LMNTD1: variants seen among roughly 807,000 people sequenced by gnomAD.
LMNTD1 encodes lamin tail domain-containing protein 1.
Under a neutral mutation model 50.9 loss-of-function variants are expected in LMNTD1, and 35 were observed. That is an observed-to-expected ratio of 0.69 (90% CI 0.53 to 0.91). The LOEUF (loss-of-function observed/expected upper bound fraction) is 0.91, where lower values mean the gene tolerates loss of function less well. Among genes scored for constraint, LMNTD1 ranks in the 40% least tolerant of loss-of-function variants. The probability of loss-of-function intolerance (pLI) is 0.00; values close to 1 mark genes in which losing one functional copy is unlikely to be tolerated. For missense variants in LMNTD1, 470 were observed against 475.5 expected, an observed-to-expected ratio of 0.99 and a Z score of 0.11; for synonymous variants, 153 against 161.9, an observed-to-expected ratio of 0.94 and a Z score of 0.42.
intron 1 of LMNTD1, among the ~76,000 whole-genome samples, chr12:25,609,078 C>A (rs1052346046): frequency 2.6e-5 from 4 of 152,180 alleles, no homozygotes; most frequent in African/African-American, 7.2e-5. Flanking sequence ...ATTTGATCTT[C>A]AATCACTGAT....
upstream of LMNTD1, among the ~76,000 whole-genome samples, chr12:25,554,889 C>A (rs1290478537): frequency 6.6e-6 from 1 of 152,112 alleles, no homozygotes; most frequent in Admixed American, 6.5e-5. Flanking sequence ...CATGATGAAA[C>A]CCCGTCTCTA....
chr12:25,592,281 T>G (rs1391271566), intron 1 of LMNTD1, among the ~76,000 whole-genome samples: 1 of 152,146 alleles, frequency 6.6e-6, no homozygotes, highest in Non-Finnish European at 1.5e-5. Flanking sequence ...CATCGTGAAC[T>G]ATTGCTCCAG....
intron 8 of LMNTD1, among the ~76,000 whole-genome samples, chr12:25,509,592 G>A (rs1050530785): frequency 2.6e-5 from 4 of 152,142 alleles, no homozygotes; most frequent in African/African-American, 9.7e-5. Context: ...ATTGAATTGT[G>A]TCTCCCTAAA....
At position 25,519,877 on chromosome 12, in the gene LMNTD1, C is replaced by G; in HGVS notation, c.997G>C (p.Ala333Pro). 6.2e-7 allele frequency: 1 copy of G among 1,610,548 alleles called. No homozygotes were observed. Among genetic ancestry groups the G allele is most frequent in the South Asian group, 1.1e-5 (1 of 90,840 alleles). ...KDISNYQVEQ[A>P]QVLLKREKEI... The stretch of plus-strand genomic sequence containing the variant: ...CCTTACCTCTTAAGAAGAACTTGAG[C>G]TTGTTCCACCTGATAATTTGAGATA... Residue 333 changes from alanine to proline, a missense_variant, in exon 7 of 10, where the codon GCT (alanine) becomes CCT (proline). Transcript: ENST00000458174.
At chr12:25,576,644 C>T (rs1280372783) in intron 1 of LMNTD1, among the ~76,000 whole-genome samples, 1 of 152,106 alleles carries the variant, frequency 6.6e-6, no homozygotes, top group Non-Finnish European at 1.5e-5. Flanking sequence ...CTGTAAGTTG[C>T]CTGTTCACTC....
chr12:25,579,856 A>G (rs749554028), intron 1 of LMNTD1, among the ~76,000 whole-genome samples: 4 of 152,108 alleles, frequency 2.6e-5, no homozygotes, highest in Non-Finnish European at 4.4e-5. Context: ...TCTCTCCAGA[A>G]CTACCCAGCG....
At chr12:25,586,014 T>C (rs1945512261) in intron 1 of LMNTD1, 1 of 152,308 alleles carries the variant, frequency 6.6e-6, no homozygotes, top group South Asian at 2.1e-4. Flanking sequence ...CCCATCTCAC[T>C]GTCTTGAGTA....
intron 1 of LMNTD1, among the ~76,000 whole-genome samples, chr12:25,635,707 GA>G (rs1202943836): frequency 8.5e-5 from 13 of 152,138 alleles, no homozygotes; most frequent in African/African-American, 1.9e-4. Flanking sequence ...AACAAATCTG[GA>G]AGCATCACAC....
At chr12:25,527,538 T>C (rs1642281601) in intron 4 of LMNTD1, among the ~76,000 whole-genome samples, 1 of 148,504 alleles carries the variant, frequency 6.7e-6, no homozygotes, top group Non-Finnish European at 1.5e-5. Flanking sequence ...TATTAGTGGG[T>C]CAAAAATCAC....
intron 1 of LMNTD1, among the ~76,000 whole-genome samples, chr12:25,627,374 A>T (rs1390983226): frequency 6.6e-6 from 1 of 152,138 alleles, no homozygotes; most frequent in African/African-American, 2.4e-5. Flanking sequence ...AACTGTTCCA[A>T]CTTTCATGAT....
chr12:25,513,783 GAGAT>G (rs112367903), intron 8 of LMNTD1, among the ~76,000 whole-genome samples: 28,998 of 151,928 alleles, frequency 0.19, 2,943 homozygotes, highest in African/African-American at 0.25. Context: ...GTTATAGAAA[GAGAT>G]AGCATTTTCA....
chr12:25,555,801 A>G (rs1399219865), upstream of LMNTD1, among the ~76,000 whole-genome samples: 6 of 152,060 alleles, frequency 3.9e-5, no homozygotes, highest in Non-Finnish European at 8.8e-5. Context: ...TTTTGACTGC[A>G]AATATCTAAG....
At chr12:25,591,549 G>C (rs1036017961) in intron 1 of LMNTD1, among the ~76,000 whole-genome samples, 1 of 152,160 alleles carries the variant, frequency 6.6e-6, no homozygotes, top group Non-Finnish European at 1.5e-5. Context: ...CTGGCTCCTG[G>C]ACGGCACCCC....
intron 9 of LMNTD1, among the ~76,000 whole-genome samples, chr12:25,480,864 C>A (rs1189780824): frequency 6.6e-6 from 1 of 152,144 alleles, no homozygotes; most frequent in African/African-American, 2.4e-5. Context: ...GGTAAAGATA[C>A]CCTATCTCAC....
In LMNTD1 at chr12:25,622,472, C is replaced by CA. The variant is rs373245444; in HGVS notation, c.58+26021_58+26022insT. Reference sequence around the variant, plus strand: ...GACCTTGAGTTTGTGAGCCCGCCCCCCCCCGCAAAATAATATCAACATCAT... The same window carrying CA: ...GACCTTGAGTTTGTGAGCCCGCCCCCACCCCGCAAAATAATATCAACATCAT... On this transcript the variant is annotated intron_variant, in intron 1 of 7. Coordinates refer to the LMNTD1 transcript ENST00000445693. Among the ~76,000 whole-genome samples, 4 of 137,742 alleles carry CA rather than the reference C, an allele frequency of 2.9e-5. 1 individual carries two copies. Among genetic ancestry groups the CA allele is most frequent in the Non-Finnish European group, 3.2e-5 (2 of 62,456 alleles). The allele number at this position is 137,742 out of a possible 152,430, so 90.4% of individuals were successfully genotyped here.
chr12:25,607,380 T>C (rs879073812), intron 1 of LMNTD1, among the ~76,000 whole-genome samples: 3 of 152,182 alleles, frequency 2.0e-5, no homozygotes, highest in Non-Finnish European at 2.9e-5. Context: ...TGCTAGCTTT[T>C]GAATTTGTTT....
intron 4 of LMNTD1, among the ~76,000 whole-genome samples, chr12:25,533,990 T>C (rs912699055): frequency 2.6e-5 from 4 of 152,218 alleles, no homozygotes; most frequent in African/African-American, 9.6e-5. Context: ...GAGGTTGAGA[T>C]GGAGGATGAA....
intron 1 of LMNTD1, among the ~76,000 whole-genome samples, chr12:25,639,996 C>A (rs1346452338): frequency 6.6e-6 from 1 of 152,126 alleles, no homozygotes; most frequent in Admixed American, 6.5e-5. Context: ...ATACATACTA[C>A]CACATGGATG....
chr12:25,577,514 G>A (rs1945081367), intron 1 of LMNTD1, among the ~76,000 whole-genome samples: 1 of 152,166 alleles, frequency 6.6e-6, no homozygotes, highest in South Asian at 2.1e-4. Flanking sequence ...GAATGCTTGT[G>A]AATTTTGCAC....
Sources: allele counts gnomAD v4.1 joint callset (sites outside exome capture counted in the v4.1 genomes callset), GRCh38; gene constraint gnomAD v4.1.1; transcripts MANE v1.5; gene names NCBI Gene and HGNC (gene_info 2026-07-23, HGNC 2026-07-21).